Variants in GRIN2A observed in about 807,000 individuals in gnomAD.
GRIN2A encodes the protein glutamate ionotropic receptor NMDA type subunit 2A.
A neutral mutation model predicts 113.4 loss-of-function variants in GRIN2A; 22 were observed. The ratio of observed to expected loss-of-function variants is 0.19; its 90% CI spans 0.14 to 0.28. The LOEUF is 0.28. Among genes scored for constraint, GRIN2A ranks in the 10% least tolerant of loss-of-function variants. The pLI is 1.00. For missense variants in GRIN2A, 1,502 were observed against 1,887.0 expected (o/e 0.80, Z 3.78); for synonymous variants, 827 against 738.4 (o/e 1.12, Z -1.94).
chr16:9,935,175 G>T (rs1170878228), intron 3 of GRIN2A, among the ~76,000 whole-genome samples: 6 of 152,078 alleles, frequency 3.9e-5, no homozygotes, highest in African/African-American at 1.4e-4. Context: ...CCCTAAAATT[G>T]ATTTATGTTT....
chr16:9,840,446 G>A (rs980572864), intron 7 of GRIN2A, among the ~76,000 whole-genome samples: 2 of 152,122 alleles, frequency 1.3e-5, no homozygotes, highest in East Asian at 1.9e-4. Context: ...CAACAGCTGG[G>A]GATTACAATT....
At position 9,757,935 on chromosome 16, in the gene GRIN2A, C is replaced by T. The variant is rs1479798276; in HGVS notation, c.*5214G>A. ...CTTATGGGGATCTCTGGCTCTTATT[C>T]CAGAGCTACTCAGGAGTTTCCCCTT... On this transcript the variant is annotated 3_prime_UTR_variant, in exon 13 of 13. Coordinates refer to ENST00000330684, the MANE Select transcript of GRIN2A (RefSeq NM_001134407.3). The T allele has an allele frequency of 1.3e-5, 3 of 223,518 alleles. No individual in the cohort carries two copies. The East Asian group carries it at 1.9e-4, about 14-fold the overall frequency. 13.8% of individuals were successfully genotyped at this position (223,518 alleles called of 1,614,324 possible).
chr16:9,838,113 G>T (rs1255983907), intron 7 of GRIN2A, among the ~76,000 whole-genome samples: 1 of 152,170 alleles, frequency 6.6e-6, no homozygotes, highest in Admixed American at 6.5e-5. Context: ...AAGACAATGG[G>T]CTTGGAGTTG....
intron 11 of GRIN2A, among the ~76,000 whole-genome samples, chr16:9,776,866 G>C (rs376171442): frequency 5.3e-5 from 8 of 152,158 alleles, no homozygotes; most frequent in African/African-American, 1.4e-4. Context: ...TCATTGGCAG[G>C]CTCATGTTCT....
chr16:9,985,727 A>ATGGTATGAGGTC (rs2045967581), intron 2 of GRIN2A, among the ~76,000 whole-genome samples: 2 of 152,150 alleles, frequency 1.3e-5, no homozygotes, highest in African/African-American at 4.8e-5. Context: ...GGTATGAGGT[A>ATGGTATGAGGTC]GTGATGGTTA....
chr16:9,762,052 G>C lies in GRIN2A; in HGVS notation c.*1097C>G, dbSNP rs1294372702. 5.0e-6 allele frequency: 1 copy of C among 201,648 alleles called. No homozygotes were observed. The highest frequency in any genetic ancestry group is 1.0e-5 in the Non-Finnish European group (1 of 97,754). 12.5% of individuals were successfully genotyped at this position (201,648 alleles called of 1,614,324 possible). A position where few individuals can be genotyped will look rare whatever the true frequency, so the allele number is the denominator to read the frequency against. Reference sequence around the variant, plus strand: ...GGAAGATAAACCTAAAACCATGCTAGCCTTCGGCAGACAGATGGCATTGTA... The same window carrying C: ...GGAAGATAAACCTAAAACCATGCTACCCTTCGGCAGACAGATGGCATTGTA... On this transcript the variant is annotated 3_prime_UTR_variant, in exon 13 of 13. Coordinates refer to ENST00000330684, the MANE Select transcript of GRIN2A (RefSeq NM_001134407.3).
chr16:9,773,481 A>T (rs1238475877), intron 11 of GRIN2A, among the ~76,000 whole-genome samples: 6 of 152,198 alleles, frequency 3.9e-5, no homozygotes. Context: ...GAGCTGATAA[A>T]TGGGGCAATT....
chr16:10,109,926 G>C (rs1464282390), intron 2 of GRIN2A, among the ~76,000 whole-genome samples: 2 of 151,680 alleles, frequency 1.3e-5, no homozygotes, highest in East Asian at 3.9e-4. Context: ...TATACTTTAA[G>C]TTTTAGGGTA....
intron 2 of GRIN2A, chr16:10,111,517 G>C: frequency 5.5e-6 from 4 of 727,650 alleles, no homozygotes; most frequent in Non-Finnish European, 1.0e-5. Flanking sequence ...AGATTTCATA[G>C]CTGATGAGGT....
At chr16:9,989,967 A>C (rs1338098634) in intron 2 of GRIN2A, among the ~76,000 whole-genome samples, 1 of 152,254 alleles carries the variant, frequency 6.6e-6, no homozygotes, top group Non-Finnish European at 1.5e-5. Flanking sequence ...AGTGGAAAGT[A>C]GTTTGGAGAT....
intron 5 of GRIN2A, among the ~76,000 whole-genome samples, chr16:9,848,375 C>G (rs2141365099): frequency 6.6e-6 from 1 of 150,638 alleles, no homozygotes; most frequent in South Asian, 2.1e-4. Context: ...ACCACCATAG[C>G]TGGCTAATTT....
intron 9 of GRIN2A, among the ~76,000 whole-genome samples, chr16:9,824,521 C>T (rs557218180): frequency 6.6e-6 from 1 of 152,278 alleles, no homozygotes; most frequent in East Asian, 1.9e-4. Context: ...CACTTTCTTC[C>T]CTGTGTCTGG....
intron 2 of GRIN2A, among the ~76,000 whole-genome samples, chr16:10,074,144 A>G (rs1391599022): frequency 6.6e-6 from 1 of 152,248 alleles, no homozygotes; most frequent in African/African-American, 2.4e-5. Context: ...ACAAACAGTG[A>G]TTAGAGAAAT....
intron 11 of GRIN2A, among the ~76,000 whole-genome samples, chr16:9,774,917 A>G (rs1420117901): frequency 6.6e-6 from 1 of 152,200 alleles, no homozygotes; most frequent in African/African-American, 2.4e-5. Flanking sequence ...CCAAGAACGC[A>G]AGTCCAGGGA....
In GRIN2A at chr16:9,995,251, G is replaced by C. The variant is rs999766113; in HGVS notation, c.415-56700C>G. On this transcript the variant is annotated intron_variant, in intron 2 of 12. Coordinates refer to ENST00000330684, the MANE Select transcript of GRIN2A (RefSeq NM_001134407.3). ...GGGTTTGGAAAAGGGAAGAGGGAAA[G>C]CAAGGCTAAGCCCATCTAAGACACA... Among the ~76,000 whole-genome samples the C allele has an allele frequency of 5.3e-5, 8 of 152,302 alleles. No individual in the cohort carries two copies. In the South Asian group the frequency reaches 1.7e-3, roughly 32 times the overall value.
chr16:9,908,848 T>C (rs1288652428), intron 3 of GRIN2A, among the ~76,000 whole-genome samples: 1 of 152,140 alleles, frequency 6.6e-6, no homozygotes, highest in Admixed American at 6.5e-5. Context: ...CACCACACCG[T>C]GGCCTGGCAC....
chr16:10,034,383 G>A (rs117940237), intron 2 of GRIN2A, among the ~76,000 whole-genome samples: 1,560 of 151,762 alleles, frequency 0.01, 18 homozygotes, highest in Non-Finnish European at 0.016. Context: ...AAAATTAGCC[G>A]GAATGTTAGC....
chr16:10,093,096 C>T (rs1165825854), intron 2 of GRIN2A, among the ~76,000 whole-genome samples: 1 of 152,150 alleles, frequency 6.6e-6, no homozygotes, highest in South Asian at 2.1e-4. Context: ...GCCTCAGCCT[C>T]CCAAAGTGCT....
rs1464972780 is a variant in GRIN2A at position 9,795,665 on chromosome 16, C to T, written c.2356+2612G>A. Among the ~76,000 whole-genome samples, 4 of 152,254 alleles carry T rather than the reference C, an allele frequency of 2.6e-5. No individual in the cohort carries two copies. The East Asian group carries it at 7.7e-4, about 29-fold the overall frequency. Reference sequence around the variant, plus strand: ...TGTATGTTACAGGGTCTATGCTAAGCTAAGCTATGCACTTTACATGTATTC... The same window carrying T: ...TGTATGTTACAGGGTCTATGCTAAGTTAAGCTATGCACTTTACATGTATTC... On this transcript the variant is annotated intron_variant, in intron 11 of 12. Transcript: ENST00000330684.
Sources: gnomAD v4.1 joint callset for allele counts (sites outside exome capture counted in the v4.1 genomes callset) on GRCh38, gnomAD v4.1.1 for gene constraint, MANE v1.5 for transcripts, NCBI Gene and HGNC (gene_info 2026-07-23, HGNC 2026-07-21) for gene names.